RPN2: variants seen among roughly 807,000 people sequenced by gnomAD.
The protein encoded by RPN2 is ribophorin II.
RPN2 carries 29 observed loss-of-function variants against 71.4 expected under a neutral mutation model. That is an observed-to-expected ratio of 0.41 (90% confidence interval 0.30 to 0.55). RPN2 has a LOEUF of 0.55. RPN2 is among the 20% of genes least tolerant of loss of function. The probability of loss-of-function intolerance (pLI) is 0.35; values close to 1 mark genes in which losing one functional copy is unlikely to be tolerated. For synonymous variants in RPN2, 308 were observed against 305.0 expected (o/e 1.01, Z -0.10); for missense variants, 726 against 774.1 (o/e 0.94, Z 0.74).
At chr20:37,219,372 T>G (rs1406558406) in intron 9 of RPN2, among the ~76,000 whole-genome samples, 1 of 152,216 alleles carries the variant, frequency 6.6e-6, no homozygotes, top group Non-Finnish European at 1.5e-5. Context: ...ATGTTTTTGG[T>G]CTTTTTTTCT....
intron 15 of RPN2, 50 bp from the exon 16 acceptor site, chr20:37,236,530 G>A (rs2068397834): frequency 6.2e-7 from 1 of 1,607,320 alleles, no homozygotes; most frequent in Non-Finnish European, 8.5e-7. Flanking sequence ...TCAACCGCAG[G>A]GCATCATTAT....
intron 9 of RPN2, among the ~76,000 whole-genome samples, chr20:37,215,870 C>T (rs565726566): frequency 3.9e-4 from 59 of 152,224 alleles, no homozygotes; most frequent in Non-Finnish European, 6.3e-4. Flanking sequence ...ATTACATTTC[C>T]TTTCCAGTGA....
At chr20:37,239,124 C>T (rs2068484223) in intron 16 of RPN2, among the ~76,000 whole-genome samples, 1 of 152,220 alleles carries the variant, frequency 6.6e-6, no homozygotes, top group Admixed American at 6.5e-5. Flanking sequence ...CTGATCTGCT[C>T]CGCTAGACCA....
At chr20:37,230,501 G>T (rs914525050) in intron 13 of RPN2, among the ~76,000 whole-genome samples, 3 of 152,204 alleles carry the variant, frequency 2.0e-5, no homozygotes, top group Non-Finnish European at 4.4e-5. Flanking sequence ...CTGCACGCAG[G>T]ACTGTTGTGA....
intron 2 of RPN2, among the ~76,000 whole-genome samples, chr20:37,196,355 G>T (rs1343531357): frequency 6.6e-6 from 1 of 152,078 alleles, no homozygotes. Flanking sequence ...CAAGCCTCCC[G>T]AGTAGCTGGG....
chr20:37,185,612 T>C (rs559727074), intron 2 of RPN2, among the ~76,000 whole-genome samples: 4 of 152,126 alleles, frequency 2.6e-5, no homozygotes, highest in Non-Finnish European at 5.9e-5. Context: ...ATATGGCTTA[T>C]AGTTCTTTAT....
At chr20:37,191,681 T>G (rs1391767052) in intron 2 of RPN2, among the ~76,000 whole-genome samples, 3 of 151,918 alleles carry the variant, frequency 2.0e-5, no homozygotes, top group Non-Finnish European at 2.9e-5. Flanking sequence ...TGAGACTCTG[T>G]CTCAAAAGAA....
At position 37,179,351 on chromosome 20, in the gene RPN2, G is replaced by A. The variant is rs1284663651; in HGVS notation, c.-6G>A. 1 of 1,533,454 alleles carries A rather than the reference G, an allele frequency of 6.5e-7. No homozygotes were observed. Among genetic ancestry groups the A allele is most frequent in the East Asian group, 2.5e-5 (1 of 40,502 alleles). 95.0% of individuals were successfully genotyped at this position (1,533,454 alleles called of 1,614,324 possible). A position where few individuals can be genotyped will look rare whatever the true frequency, so the allele number is the denominator to read the frequency against. ...GCTCGGACTCCGGCGGGACCTGCTC[G>A]GAGGAATGGCGCCGCCGGGTGAGGA... On this transcript the variant is annotated 5_prime_UTR_variant, in exon 1 of 17. Coordinates refer to ENST00000237530, the MANE Select transcript of RPN2 (RefSeq NM_002951.5).
rs763099542 is a variant in RPN2 at position 37,228,564 on chromosome 20, C to T, written c.1314C>T (p.Leu438=). ...CTTCCATCTAGACATTTGTCCGACT[C>T]CATAACCAGAAGACTGGCCAGGAAG... ...ELTPHQTFVR[L]HNQKTGQEVV... The change falls in exon 12 of 17, where the codon CTC becomes CTT. Residue 438 remains leucine (L), a synonymous_variant. Coordinates refer to ENST00000237530, the MANE Select transcript of RPN2 (RefSeq NM_002951.5). 3 of 1,614,130 alleles carry T rather than the reference C, an allele frequency of 1.9e-6. No homozygotes were observed. Among genetic ancestry groups the T allele is most frequent in the East Asian group, 2.2e-5 (1 of 44,886 alleles).
chr20:37,184,417 C>G, intron 2 of RPN2, 44 bp downstream of exon 2: 1 of 1,471,924 alleles, frequency 6.8e-7, no homozygotes, highest in Non-Finnish European at 9.5e-7. Context: ...TTCAGGAGAA[C>G]CTTCATCCCC....
rs1600844111 is a variant in RPN2 at position 37,232,445 on chromosome 20, A to T, written c.1677+54A>T. 2.5e-6 allele frequency: 4 copies of T among 1,595,282 alleles called. No individual in the cohort carries two copies. The East Asian group carries it at 8.9e-5, about 36-fold the overall frequency. The stretch of plus-strand genomic sequence containing the variant: ...ATGCGTCTGGCGCCAGACCCAGCAG[A>T]TGCATTCCTTCCAAAGGAGGCTGTG... On this transcript the variant is annotated intron_variant, in intron 14 of 16. Transcript: ENST00000237530.
In RPN2 at chr20:37,241,454, CTTGT is replaced by C; in HGVS notation, c.*142_*145del. ...AGTCCAGATTGTAGTTATACTTTTG[CTTGT>C]TTTTCAGTTTCCCCAACACACAGCA... On this transcript the variant is annotated 3_prime_UTR_variant, in exon 17 of 17. Transcript: ENST00000237530. 1 of 1,065,298 alleles carries C rather than the reference CTTGT, an allele frequency of 9.4e-7. No homozygotes were observed. Among genetic ancestry groups the C allele is most frequent in the Non-Finnish European group, 1.4e-6 (1 of 724,508 alleles). 66.0% of individuals were successfully genotyped at this position (1,065,298 alleles called of 1,614,324 possible).
In RPN2 at chr20:37,187,294, A is replaced by C. The variant is rs1324041708; in HGVS notation, c.207+2921A>C. 2.0e-4 allele frequency among the ~76,000 whole-genome samples: 2 copies of C among 9,840 alleles called. 1 individual carries two copies. The highest frequency in any genetic ancestry group is 7.0e-4 in the Non-Finnish European group (2 of 2,874). The allele number at this position is 9,840 out of a possible 152,430, so 6.5% of individuals were successfully genotyped here. On this transcript the variant is annotated intron_variant, in intron 2 of 16. Transcript: ENST00000237530. Reference sequence around the variant, plus strand: ...GAGGCGGGCGGATCACGAGGTCAGGAGATCGAGACCATCCCGGCTAAAACG... The same window carrying C: ...GAGGCGGGCGGATCACGAGGTCAGGCGATCGAGACCATCCCGGCTAAAACG...
chr20:37,231,844 T>C (rs971829891), intron 13 of RPN2, among the ~76,000 whole-genome samples: 1 of 152,146 alleles, frequency 6.6e-6, no homozygotes, highest in African/African-American at 2.4e-5. Flanking sequence ...TAAAAAGGTA[T>C]AGTGTTACCA....
At chr20:37,199,273 C>A (rs2067326709) in intron 4 of RPN2, 48 bp downstream of exon 4, 2 of 1,605,212 alleles carry the variant, frequency 1.2e-6, no homozygotes, top group Non-Finnish European at 1.7e-6. Context: ...GTCTCGGGTC[C>A]TATCCGAAGA....
At chr20:37,189,580 A>AT (rs1260395607) in intron 2 of RPN2, among the ~76,000 whole-genome samples, 1 of 152,196 alleles carries the variant, frequency 6.6e-6, no homozygotes, top group Non-Finnish European at 1.5e-5. Context: ...GTGTGACTCT[A>AT]TTAAAGATAC....
At chr20:37,224,167 A>G (rs1015468003) in intron 10 of RPN2, among the ~76,000 whole-genome samples, 198 bp downstream of exon 10, 1 of 152,146 alleles carries the variant, frequency 6.6e-6, no homozygotes, top group Non-Finnish European at 1.5e-5. Flanking sequence ...GAGATTGTAT[A>G]TACCAGTGTT....
chr20:37,180,923 C>T (rs1006494119), intron 1 of RPN2, among the ~76,000 whole-genome samples: 3 of 152,190 alleles, frequency 2.0e-5, no homozygotes, highest in Admixed American at 1.3e-4. Context: ...AATCACTCCT[C>T]TGCTTAGAAC....
chr20:37,225,435 C>G (rs2068053246), intron 10 of RPN2, among the ~76,000 whole-genome samples: 1 of 152,148 alleles, frequency 6.6e-6, no homozygotes, highest in Non-Finnish European at 1.5e-5. Flanking sequence ...AGTGAAAGCC[C>G]AGAGGTACAA....
Sources: gnomAD v4.1 joint callset for allele counts (sites outside exome capture counted in the v4.1 genomes callset) on GRCh38, gnomAD v4.1.1 for gene constraint, MANE v1.5 for transcripts, NCBI Gene and HGNC (gene_info 2026-07-23, HGNC 2026-07-21) for gene names.